Variants in LRRFIP1 observed in about 807,000 individuals in gnomAD.
LRRFIP1 encodes the protein leucine-rich repeat flightless-interacting protein 1.
In LRRFIP1, 62 loss-of-function variants were observed where a neutral mutation model predicts 104.4. The ratio of observed to expected loss-of-function variants is 0.59; its 90% CI spans 0.48 to 0.73. The LOEUF is 0.73. Ranked by LOEUF, LRRFIP1 falls within the 30% of genes least tolerant of loss-of-function variation. LRRFIP1 has a pLI of 0.00. For missense variants in LRRFIP1, 796 were observed against 824.5 expected (o/e 0.97, Z 0.42); for synonymous variants, 300 against 299.0 (o/e 1.00, Z -0.03).
At chr2:237,674,864 GCACGCACGTGCTGGCTGT>G (rs2090899779) in intron 1 of LRRFIP1, among the ~76,000 whole-genome samples, 1 of 152,264 alleles carries the variant, frequency 6.6e-6, no homozygotes, top group Admixed American at 6.5e-5. Flanking sequence ...ATAAGGACGT[GCACGCACGTGCTGGCTGT>G]TGAACTGTTG....
intron 1 of LRRFIP1, among the ~76,000 whole-genome samples, chr2:237,702,027 C>A (rs1053169455): frequency 6.6e-6 from 1 of 152,098 alleles, no homozygotes; most frequent in Non-Finnish European, 1.5e-5. Flanking sequence ...CAGGGAGGTG[C>A]CCCCATAGAC....
At chr2:237,720,009 GC>G (rs1247623566) in intron 5 of LRRFIP1, among the ~76,000 whole-genome samples, 2 of 141,914 alleles carry the variant, frequency 1.4e-5, no homozygotes, top group African/African-American at 5.3e-5. Context: ...ATGCAGTGGT[GC>G]GGTTTTGGCT....
intron 1 of LRRFIP1, among the ~76,000 whole-genome samples, chr2:237,644,507 C>T (rs112343598): frequency 6.2e-4 from 95 of 152,286 alleles, no homozygotes; most frequent in African/African-American, 2.0e-3. Context: ...AGGAGAGTTA[C>T]GCTGGTGTTC....
At chr2:237,664,319 C>T (rs1175383245) in intron 1 of LRRFIP1, among the ~76,000 whole-genome samples, 1 of 152,260 alleles carries the variant, frequency 6.6e-6, no homozygotes, top group Admixed American at 6.5e-5. Context: ...TCCGCAGGTG[C>T]GCCTGCCGCC....
chr2:237,736,772 C>T (rs2095261823), intron 10 of LRRFIP1, among the ~76,000 whole-genome samples: 1 of 152,218 alleles, frequency 6.6e-6, no homozygotes, highest in African/African-American at 2.4e-5. Context: ...TAGGGATGGT[C>T]AGCTCTGCTG....
chr2:237,672,418 G>T (rs982127733), intron 1 of LRRFIP1, among the ~76,000 whole-genome samples: 5 of 152,192 alleles, frequency 3.3e-5, no homozygotes, highest in Non-Finnish European at 5.9e-5. Context: ...ATAGTAGACA[G>T]TATATAGCTA....
chr2:237,779,429 C>T lies in LRRFIP1; in HGVS notation c.1820C>T (p.Ser607Phe), dbSNP rs758035968. ...EKRKLQRELR[S>F]ALDKTEELEV... ...CCTTTCCTCCGTTCCCAGCTCCGCT[C>T]TGCATTGGATAAAACAGAAGAGCTC... The change falls in exon 24 of 24, where the codon TCT (serine) becomes TTT (phenylalanine). Residue 607 changes from serine (S) to phenylalanine (F), a missense_variant. Ser to Phe is a radical substitution (Grantham distance 155, BLOSUM62 -2). Coordinates refer to ENST00000308482, the MANE Select transcript of LRRFIP1 (RefSeq NM_001137550.2). 7 of 1,613,290 alleles carry T rather than the reference C, an allele frequency of 4.3e-6. No homozygotes were observed. In the African/African-American group the frequency reaches 6.7e-5, roughly 15 times the overall value.
Position 237,766,916 on chromosome 2 carries a change from A to G in LRRFIP1, c.1460-3027A>G, listed in dbSNP as rs1045066142. 6.6e-6 allele frequency among the ~76,000 whole-genome samples: 1 copy of G among 152,212 alleles called. No individual in the cohort carries two copies. The highest frequency in any genetic ancestry group is 6.5e-5 in the Admixed American group (1 of 15,282). ...CCGGGCACATTGGCTCATGCCTATAATCCCAGCACGTGGGAGGCCGAGGCA... is the reference window on the plus strand; with the variant it reads ...CCGGGCACATTGGCTCATGCCTATAGTCCCAGCACGTGGGAGGCCGAGGCA... On this transcript the variant is annotated intron_variant, in intron 19 of 23. Coordinates refer to ENST00000308482, the MANE Select transcript of LRRFIP1 (RefSeq NM_001137550.2). This position sits in a 1 kb window ranked among gnomAD's most constrained non-coding sequence, Gnocchi z 4.8.
At position 237,772,203 on chromosome 2, in the gene LRRFIP1, A is replaced by AT. The variant is rs1376874843; in HGVS notation, c.1627+6dup. 6.3e-7 allele frequency: 1 copy of AT among 1,599,774 alleles called. No homozygotes were observed. The highest frequency in any genetic ancestry group is 8.6e-7 in the Non-Finnish European group (1 of 1,167,072). On this transcript the variant is annotated splice_donor_region_variant and intron_variant, in intron 21 of 23. Coordinates refer to ENST00000308482, the MANE Select transcript of LRRFIP1 (RefSeq NM_001137550.2). Reference sequence around the variant, plus strand: ...TGCATGTAATGGACCTACAAAGTAAATGTCAATTCTTGTGTAGAAGTAAAT... The same window carrying AT: ...TGCATGTAATGGACCTACAAAGTAAATTGTCAATTCTTGTGTAGAAGTAAAT...
At chr2:237,707,675 G>A (rs979154515) in intron 1 of LRRFIP1, among the ~76,000 whole-genome samples, 9 of 152,156 alleles carry the variant, frequency 5.9e-5, no homozygotes, top group African/African-American at 1.2e-4. Context: ...CAGTGAATAC[G>A]CATGCAGTTT....
At chr2:237,662,624 A>G (rs2088230485) in intron 1 of LRRFIP1, among the ~76,000 whole-genome samples, 1 of 151,742 alleles carries the variant, frequency 6.6e-6, no homozygotes, top group African/African-American at 2.4e-5. Context: ...AGCGAAATCC[A>G]TTAATAATCC....
chr2:237,657,066 G>T (rs2086938922), intron 1 of LRRFIP1, among the ~76,000 whole-genome samples: 1 of 152,208 alleles, frequency 6.6e-6, no homozygotes. Flanking sequence ...GCAGTGGTGG[G>T]AAAAGGCTGG....
At chr2:237,728,474 T>A (rs1339477576) in intron 8 of LRRFIP1, among the ~76,000 whole-genome samples, 2 of 138,452 alleles carry the variant, frequency 1.4e-5, no homozygotes, top group East Asian at 4.2e-4. Context: ...GAAAGGGTGC[T>A]GCTCTAGGGG....
intron 11 of LRRFIP1, among the ~76,000 whole-genome samples, chr2:237,745,525 A>G (rs1004130055): frequency 3.9e-5 from 6 of 152,190 alleles, no homozygotes; most frequent in African/African-American, 9.7e-5. Context: ...ATATTTTACA[A>G]ATTATAAAAA....
intron 19 of LRRFIP1, chr2:237,764,202 C>T (rs1576382566): frequency 1.2e-6 from 2 of 1,613,718 alleles, no homozygotes; most frequent in Admixed American, 1.7e-5. Context: ...CTTTTCTCTC[C>T]ACTGCCAATG....
rs1405170582 is a variant in LRRFIP1 at position 237,749,185 on chromosome 2, T to C, written c.670-14T>C. The stretch of plus-strand genomic sequence containing the variant: ...GCTAAACCATATCAGCATGTGATCC[T>C]CTCAACGTTCCAGGGGTCTCGTAAC... On this transcript the variant is annotated splice_polypyrimidine_tract_variant and intron_variant, in intron 12 of 23. Coordinates refer to ENST00000308482, the MANE Select transcript of LRRFIP1 (RefSeq NM_001137550.2). 1 of 1,611,626 alleles carries C rather than the reference T, an allele frequency of 6.2e-7. No homozygotes were observed.
chr2:237,714,222 AT>A, intron 2 of LRRFIP1, 36 bp from the exon 3 acceptor site: 1 of 1,513,302 alleles, frequency 6.6e-7, no homozygotes, highest in East Asian at 2.3e-5. Context: ...CTTTAATTGG[AT>A]TTTACATTTC....
intron 18 of LRRFIP1, 85 bp from the exon 19 acceptor site, chr2:237,759,979 G>A (rs759621120): frequency 1.1e-5 from 14 of 1,324,178 alleles, no homozygotes; most frequent in Non-Finnish European, 1.4e-5. Context: ...GGAAAAAATG[G>A]TTTTCTTTTT....
In LRRFIP1 at chr2:237,723,554, C is replaced by T. The variant is rs1348034867; in HGVS notation, c.352C>T (p.Pro118Ser). The T allele has an allele frequency of 1.9e-6, 3 of 1,613,846 alleles. No homozygotes were observed. Among genetic ancestry groups the T allele is most frequent in the African/African-American group, 1.3e-5 (1 of 75,018 alleles). ...GCCATCTTTCTTCTGACAGTCGCAG[C>T]CTGACTTGGAGTATGGGGGTCCTTA... ...VGSRGSLRSQ[P>S]DLEYGGPYAW... The change falls in exon 7 of 24, where the codon CCT becomes TCT. Residue 118 changes from proline to serine, a missense_variant. Coordinates refer to ENST00000308482, the MANE Select transcript of LRRFIP1 (RefSeq NM_001137550.2).
Sources: gnomAD v4.1 joint callset for allele counts (sites outside exome capture counted in the v4.1 genomes callset) on GRCh38, gnomAD v4.1.1 for gene constraint, Gnocchi (gnomAD v3.1) non-coding constraint, MANE v1.5 for transcripts, NCBI Gene and HGNC (gene_info 2026-07-23, HGNC 2026-07-21) for gene names.